OPCML: variants seen among roughly 807,000 people sequenced by gnomAD.
OPCML encodes opioid-binding protein/cell adhesion molecule.
Under a neutral mutation model 37.8 loss-of-function variants are expected in OPCML, and 13 were observed. That is an observed-to-expected ratio of 0.34 (90% confidence interval 0.22 to 0.55). The LOEUF is 0.55. OPCML is among the 20% of genes least tolerant of loss of function. The pLI, the probability that OPCML is intolerant of heterozygous loss-of-function variation, is 0.91. For synonymous variants in OPCML, 176 were observed against 168.8 expected (o/e 1.04, Z -0.33); for missense variants, 341 against 435.6 (o/e 0.78, Z 1.93).
Position 132,758,729 on chromosome 11 carries a change from A to C in OPCML, c.147-101410T>G, listed in dbSNP as rs1946151748. ...AAACAATGGTGTTTTCTAAATACAC[A>C]ATCATGTCATCTGCAAACGGAGACA... On this transcript the variant is annotated intron_variant, in intron 2 of 7. Coordinates refer to ENST00000524381, the MANE Select transcript of OPCML (RefSeq NM_001012393.5). Among the ~76,000 whole-genome samples, 3 of 152,222 alleles carry C rather than the reference A, an allele frequency of 2.0e-5. No individual in the cohort carries two copies. The South Asian group carries it at 6.2e-4, about 31-fold the overall frequency.
At chr11:133,215,528 G>A (rs1251781449) in intron 1 of OPCML, among the ~76,000 whole-genome samples, 1 of 152,110 alleles carries the variant, frequency 6.6e-6, no homozygotes, top group African/African-American at 2.4e-5. Context: ...CCTATTCCCA[G>A]GGTCCTCTGC....
chr11:132,840,844 A>T (rs1591684498), intron 2 of OPCML, among the ~76,000 whole-genome samples: 1 of 152,138 alleles, frequency 6.6e-6, no homozygotes, highest in African/African-American at 2.4e-5. Context: ...GGCCGCTGAA[A>T]AAAACCCCAC....
At chr11:132,661,073 T>A (rs1482314877) in intron 2 of OPCML, among the ~76,000 whole-genome samples, 1 of 152,022 alleles carries the variant, frequency 6.6e-6, no homozygotes, top group Non-Finnish European at 1.5e-5. Context: ...AAAAGGGCAA[T>A]CCAAAACTAC....
At chr11:133,042,112 ATG>A (rs1276772864) in intron 1 of OPCML, among the ~76,000 whole-genome samples, 1 of 152,144 alleles carries the variant, frequency 6.6e-6, no homozygotes, top group African/African-American at 2.4e-5. Context: ...CCACAGTCAC[ATG>A]TGACACGGAA....
chr11:132,857,057 G>A (rs928193575), intron 2 of OPCML, among the ~76,000 whole-genome samples: 5 of 152,034 alleles, frequency 3.3e-5, no homozygotes, highest in East Asian at 3.9e-4. Context: ...AGACCCATAC[G>A]GATTTACCAA....
chr11:132,681,565 G>A (rs534578723), intron 2 of OPCML, among the ~76,000 whole-genome samples: 6 of 152,078 alleles, frequency 3.9e-5, no homozygotes, highest in South Asian at 2.1e-4. Flanking sequence ...CTTTCACATC[G>A]GCAATAAAAT....
intron 1 of OPCML, among the ~76,000 whole-genome samples, chr11:133,236,976 C>T (rs904941691): frequency 1.3e-5 from 2 of 152,142 alleles, no homozygotes; most frequent in Non-Finnish European, 1.5e-5. Flanking sequence ...GTGTACCCTT[C>T]CTGCAGGAAG....
intron 4 of OPCML, among the ~76,000 whole-genome samples, chr11:132,480,706 A>G (rs1392705094): frequency 6.6e-6 from 1 of 152,164 alleles, no homozygotes; most frequent in Non-Finnish European, 1.5e-5. Flanking sequence ...GAGAGTGGGG[A>G]CCAATATTCA....
At chr11:132,802,911 C>T (rs929927580) in intron 2 of OPCML, among the ~76,000 whole-genome samples, 2 of 152,148 alleles carry the variant, frequency 1.3e-5, no homozygotes, top group Non-Finnish European at 2.9e-5. Context: ...AAATTAAATG[C>T]TTTTTTCTTC....
chr11:132,930,386 TA>T lies in OPCML; in HGVS notation c.146+12539del, dbSNP rs1945157932. 2.0e-5 allele frequency among the ~76,000 whole-genome samples: 3 copies of T among 151,710 alleles called. No individual in the cohort carries two copies. The South Asian group carries it at 6.3e-4, about 32-fold the overall frequency. ...GGCACCCTGTCTCAAAAAATAAAAATAAAGATGATAAAAGCATCAAAAAAGG... is the reference window on the plus strand; with the variant it reads ...GGCACCCTGTCTCAAAAAATAAAAATAAGATGATAAAAGCATCAAAAAAGG... On this transcript the variant is annotated intron_variant, in intron 2 of 7. Transcript: ENST00000524381.
At chr11:133,003,849 C>T (rs755382749) in intron 1 of OPCML, 2 of 985,266 alleles carry the variant, frequency 2.0e-6, no homozygotes, top group Non-Finnish European at 2.4e-6. Context: ...AATGCAGATC[C>T]TTGCCATCCA....
chr11:133,201,939 T>C (rs947536399), intron 1 of OPCML, among the ~76,000 whole-genome samples: 3 of 152,224 alleles, frequency 2.0e-5, no homozygotes, highest in Non-Finnish European at 4.4e-5. Context: ...TTAATTACTA[T>C]GAATCTGGTA....
chr11:133,048,723 C>T (rs1948070976), intron 1 of OPCML, among the ~76,000 whole-genome samples: 1 of 152,180 alleles, frequency 6.6e-6, no homozygotes, highest in South Asian at 2.1e-4. Context: ...CAGAGAGATG[C>T]TTTGCTGTTA....
intron 4 of OPCML, among the ~76,000 whole-genome samples, chr11:132,448,000 G>A (rs1212974941): frequency 6.6e-6 from 1 of 152,252 alleles, no homozygotes; most frequent in Admixed American, 6.5e-5. Flanking sequence ...GAGAAGGAAA[G>A]CCAGCAAGGG....
chr11:132,445,598 G>T (rs1270915173), intron 4 of OPCML, among the ~76,000 whole-genome samples: 1 of 152,188 alleles, frequency 6.6e-6, no homozygotes, highest in Non-Finnish European at 1.5e-5. Flanking sequence ...ACTTACCCAA[G>T]GAGCACTTTA....
intron 1 of OPCML, among the ~76,000 whole-genome samples, chr11:133,451,135 T>G (rs1039066014): frequency 2.6e-5 from 4 of 151,750 alleles, no homozygotes; most frequent in Non-Finnish European, 5.9e-5. Flanking sequence ...GAGAAATCCA[T>G]GTTTAAAAAT....
chr11:133,441,064 A>C (rs1214314268), intron 1 of OPCML, among the ~76,000 whole-genome samples: 1 of 151,876 alleles, frequency 6.6e-6, no homozygotes, highest in African/African-American at 2.4e-5. Flanking sequence ...TATTAAAATA[A>C]GAAAGCTCTG....
intron 1 of OPCML, among the ~76,000 whole-genome samples, chr11:133,264,081 A>G (rs148960552): frequency 2.2e-4 from 33 of 152,310 alleles, no homozygotes; most frequent in Non-Finnish European, 3.7e-4. Context: ...CAGAAAATAA[A>G]TATATTGATA....
At chr11:133,240,371 C>T (rs1226164069) in intron 1 of OPCML, among the ~76,000 whole-genome samples, 1 of 152,148 alleles carries the variant, frequency 6.6e-6, no homozygotes, top group Non-Finnish European at 1.5e-5. Context: ...GACTCAATTG[C>T]TTTCTTCTTC....
Sources: allele counts gnomAD v4.1 joint callset (sites outside exome capture counted in the v4.1 genomes callset), GRCh38; gene constraint gnomAD v4.1.1; transcripts MANE v1.5; gene names NCBI Gene and HGNC (gene_info 2026-07-23, HGNC 2026-07-21).